Variants in TOP1MT observed in about 807,000 individuals in gnomAD.
TOP1MT encodes DNA topoisomerase I mitochondrial.
TOP1MT carries 80 observed loss-of-function variants against 73.9 expected under a neutral mutation model. The observed-to-expected ratio is 1.08, with a 90% CI of 0.90 to 1.30. The LOEUF (loss-of-function observed/expected upper bound fraction) is 1.30, where lower values mean the gene tolerates loss of function less well. TOP1MT is among the 50% of genes most tolerant of loss of function. The pLI, the probability that TOP1MT is intolerant of heterozygous loss-of-function variation, is 0.00. For synonymous variants in TOP1MT, 338 were observed against 326.4 expected (o/e 1.04, Z -0.38); for missense variants, 815 against 808.0 (o/e 1.01, Z -0.10).
intron 8 of TOP1MT, among the ~76,000 whole-genome samples, chr8:143,318,358 C>G (rs1447373930): frequency 6.6e-6 from 1 of 152,192 alleles, no homozygotes; most frequent in African/African-American, 2.4e-5. Flanking sequence ...GCAGGTGGCC[C>G]AGAGTCCCCG....
At chr8:143,323,034 G>GTCACACACA (rs1816556095) in intron 7 of TOP1MT, among the ~76,000 whole-genome samples, 1 of 49,140 alleles carries the variant, frequency 2.0e-5, no homozygotes, top group Admixed American at 3.4e-4. Context: ...ACACACACAT[G>GTCACACACA]CACGCCACAC....
chr8:143,322,673 A>G (rs1816505856), intron 7 of TOP1MT, among the ~76,000 whole-genome samples: 1 of 116,422 alleles, frequency 8.6e-6, no homozygotes, highest in Non-Finnish European at 1.7e-5. Context: ...CACGCCACAC[A>G]CGCACGCCAC....
upstream of TOP1MT, among the ~76,000 whole-genome samples, chr8:143,357,921 C>CA (rs912716417): frequency 0.015 from 1,438 of 98,430 alleles, 4 homozygotes; most frequent in African/African-American, 0.029. Flanking sequence ...AACTCCGTCT[C>CA]AAAAAAAAAA....
At chr8:143,349,060 C>T (rs1817277243), upstream of TOP1MT, among the ~76,000 whole-genome samples, 2 of 152,160 alleles carry the variant, frequency 1.3e-5, no homozygotes, top group African/African-American at 4.8e-5. Flanking sequence ...TGAGGATCCT[C>T]TCCTCAGGAG....
chr8:143,335,846 A>C (rs1438116635), upstream of TOP1MT, among the ~76,000 whole-genome samples: 3 of 152,244 alleles, frequency 2.0e-5, no homozygotes, highest in Non-Finnish European at 2.9e-5. Context: ...CTCAGTGTCC[A>C]TGTCATCTAG....
chr8:143,357,129 C>T (rs781583714), upstream of TOP1MT, among the ~76,000 whole-genome samples: 47 of 143,674 alleles, frequency 3.3e-4, no homozygotes, highest in Non-Finnish European at 6.0e-4. Flanking sequence ...AGGCTGAGCA[C>T]AGTGGCTTAC....
upstream of TOP1MT, among the ~76,000 whole-genome samples, chr8:143,347,783 G>A (rs1353320024): frequency 6.6e-6 from 1 of 152,154 alleles, no homozygotes; most frequent in African/African-American, 2.4e-5. Flanking sequence ...ATGGGAGAGA[G>A]GGCAGAGCCA....
chr8:143,334,906 C>A (rs780787101), upstream of TOP1MT: 11 of 1,361,212 alleles, frequency 8.1e-6, no homozygotes, highest in Non-Finnish European at 1.0e-5. Flanking sequence ...CCCGCCCCAG[C>A]GGCCAGCCCC....
Position 143,315,836 on chromosome 8 carries a change from T to G in TOP1MT, c.1459-15A>C. The stretch of plus-strand genomic sequence containing the variant: ...TTTGCCTGGATCTGCAGGAAAAGGG[T>G]CCAGACAGGGCTGCCCCTCCCCATC... On this transcript the variant is annotated splice_polypyrimidine_tract_variant and intron_variant, in intron 11 of 13. Transcript: ENST00000329245. The G allele has an allele frequency of 3.7e-6, 6 of 1,612,386 alleles. No individual in the cohort carries two copies. The Middle Eastern group carries it at 9.9e-4, about 266-fold the overall frequency.
At chr8:143,326,817 C>T (rs1336152340) in intron 3 of TOP1MT, among the ~76,000 whole-genome samples, 4 of 152,196 alleles carry the variant, frequency 2.6e-5, no homozygotes, top group East Asian at 3.8e-4. Context: ...TCAGTCCATA[C>T]GTGCTGCTGC....
upstream of TOP1MT, chr8:143,359,730 G>C (rs753076598): frequency 2.0e-3 from 312 of 153,026 alleles, 3 homozygotes; most frequent in Non-Finnish European, 7.6e-4. Context: ...GGAGGGGGAG[G>C]TACACGGAGG....
intron 3 of TOP1MT, among the ~76,000 whole-genome samples, chr8:143,327,112 T>C (rs1816728397): frequency 6.6e-6 from 1 of 152,196 alleles, no homozygotes; most frequent in African/African-American, 2.4e-5. Flanking sequence ...CTCTGTCCTG[T>C]GGTGCTGGGG....
At chr8:143,333,243 TCGAGACC>T (rs1816908335) in intron 1 of TOP1MT, among the ~76,000 whole-genome samples, 1 of 152,046 alleles carries the variant, frequency 6.6e-6, no homozygotes, top group South Asian at 2.1e-4. Flanking sequence ...GGCCAGGAGT[TCGAGACC>T]CGCCTGGCCA....
chr8:143,323,769 CCA>C (rs1158510196), intron 7 of TOP1MT, among the ~76,000 whole-genome samples: 75 of 149,088 alleles, frequency 5.0e-4, no homozygotes, highest in African/African-American at 1.6e-3. Context: ...CACAGACATG[CCA>C]CACACAGGCA....
chr8:143,341,839 C>G lies in TOP1MT; in HGVS notation c.29+1381G>C, dbSNP rs1378000499. Among the ~76,000 whole-genome samples, 3 of 146,806 alleles carry G rather than the reference C, an allele frequency of 2.0e-5. No individual in the cohort carries two copies. The highest frequency in any genetic ancestry group is 8.3e-5 in the African/African-American group (3 of 36,358). ...TTCCTTCTTCCTTCTTCTTCCTCTT[C>G]TTCCTCCTCCTCCTCCTTCCTCTTT... is the stretch of plus-strand genomic sequence containing the variant. On this transcript the variant is annotated intron_variant, in intron 2 of 5. Coordinates refer to the TOP1MT transcript ENST00000518007. This position sits in a 1 kb window ranked among gnomAD's most constrained non-coding sequence, Gnocchi z 4.1.
intron 12 of TOP1MT, among the ~76,000 whole-genome samples, chr8:143,314,588 CAA>C (rs57418152): frequency 1.4e-4 from 14 of 99,670 alleles, no homozygotes; most frequent in African/African-American, 3.3e-4. Context: ...GACTCCATCT[CAA>C]AAAAAAAAAA....
At chr8:143,310,282 C>T (rs953830379) in intron 12 of TOP1MT, 65 bp from the exon 13 acceptor site, 3 of 1,297,850 alleles carry the variant, frequency 2.3e-6, no homozygotes, top group African/African-American at 1.5e-5. Context: ...GAGACCTGCA[C>T]TTCTCTGGCC....
At chr8:143,345,193 C>T (rs1817199106), upstream of TOP1MT, among the ~76,000 whole-genome samples, 1 of 152,212 alleles carries the variant, frequency 6.6e-6, no homozygotes, top group South Asian at 2.1e-4. Flanking sequence ...ACACGTACCA[C>T]ACTGCAGGCA....
At chr8:143,331,028 AG>A (rs1816839044) in intron 2 of TOP1MT, among the ~76,000 whole-genome samples, 195 bp downstream of exon 2, 1 of 152,118 alleles carries the variant, frequency 6.6e-6, no homozygotes, top group South Asian at 2.1e-4. Flanking sequence ...CAGGGACGGG[AG>A]CCCCCGAACT....
Sources: allele counts gnomAD v4.1 joint callset (sites outside exome capture counted in the v4.1 genomes callset), GRCh38; gene constraint gnomAD v4.1.1; non-coding constraint Gnocchi (gnomAD v3.1); transcripts MANE v1.5; gene names NCBI Gene and HGNC (gene_info 2026-07-23, HGNC 2026-07-21).